GAREM1: variants seen among roughly 807,000 people sequenced by gnomAD.
The protein encoded by GAREM1 is GRB2-associated and regulator of MAPK protein 1.
Under a neutral mutation model 71.3 loss-of-function variants are expected in GAREM1, and 26 were observed. The ratio of observed to expected loss-of-function variants is 0.36; its 90% CI spans 0.27 to 0.51. The LOEUF is 0.51. Among genes scored for constraint, GAREM1 ranks in the 20% least tolerant of loss-of-function variants. The pLI is 0.95. For missense variants in GAREM1, 1,026 were observed against 1,103.1 expected (o/e 0.93, Z 0.99); for synonymous variants, 440 against 433.2 (o/e 1.02, Z -0.20).
chr18:32,416,478 C>T (rs796425984), intron 1 of GAREM1, among the ~76,000 whole-genome samples: 1 of 152,036 alleles, frequency 6.6e-6, no homozygotes, highest in Non-Finnish European at 1.5e-5. Context: ...ATTAATACTA[C>T]AGAGCTACAG....
intron 1 of GAREM1, among the ~76,000 whole-genome samples, chr18:32,419,822 T>C (rs1279783806): frequency 3.3e-5 from 5 of 152,194 alleles, no homozygotes; most frequent in Non-Finnish European, 2.9e-5. Flanking sequence ...ACAGAGTAGA[T>C]ACAGAATTAA....
intron 4 of GAREM1, among the ~76,000 whole-genome samples, chr18:32,273,422 G>A (rs930922959): frequency 1.3e-5 from 2 of 151,294 alleles, no homozygotes; most frequent in African/African-American, 2.5e-5. Context: ...AGGAACTCCC[G>A]AACTCCCCTC....
chr18:32,287,776 A>C lies in GAREM1; in HGVS notation c.821T>G (p.Val274Gly), dbSNP rs1421195893. The change falls in exon 4 of 6, where the codon GTG (valine) becomes GGG (glycine). Residue 274 changes from valine to glycine, a missense_variant. This residue lies in a region of GAREM1 where 218 missense variants were observed against 296.8 expected (regional missense o/e 0.73). Transcript: ENST00000269209. This position sits in a 1 kb window ranked among gnomAD's most constrained non-coding sequence, Gnocchi z 5.9. ...FIREGHRYKF[V>G]NIQTKTVVVC... Reference sequence around the variant, plus strand: ...CACCACCGTCTTGGTCTGGATGTTCACAAACTTATAGCGGTGCCCCTCACG... The same window carrying C: ...CACCACCGTCTTGGTCTGGATGTTCCCAAACTTATAGCGGTGCCCCTCACG... 3.1e-6 allele frequency: 5 copies of C among 1,613,288 alleles called. No individual in the cohort carries two copies. The highest frequency in any genetic ancestry group is 2.2e-5 in the East Asian group (1 of 44,790).
At chr18:32,401,906 T>C (rs907464252) in intron 1 of GAREM1, among the ~76,000 whole-genome samples, 16 of 152,182 alleles carry the variant, frequency 1.1e-4, no homozygotes, top group African/African-American at 3.6e-4. Flanking sequence ...TAGTAAACAC[T>C]CCAGCAAGAG....
chr18:32,322,369 T>G (rs1489091624), intron 2 of GAREM1, among the ~76,000 whole-genome samples: 1 of 152,208 alleles, frequency 6.6e-6, no homozygotes, highest in Admixed American at 6.5e-5. Context: ...AAAATCCATC[T>G]AGATCCATCC....
chr18:32,331,045 T>C (rs921208693), intron 2 of GAREM1, among the ~76,000 whole-genome samples: 2 of 152,246 alleles, frequency 1.3e-5, no homozygotes, highest in Non-Finnish European at 1.5e-5. Flanking sequence ...AGTCTGTTCC[T>C]CCTTCTCTCT....
intron 2 of GAREM1, among the ~76,000 whole-genome samples, chr18:32,366,780 C>T (rs1169802959): frequency 6.6e-6 from 1 of 152,116 alleles, no homozygotes. Context: ...GTCTACATAC[C>T]AAAACTGGGT....
chr18:32,413,258 C>A (rs970539144), intron 1 of GAREM1: 34 of 1,543,248 alleles, frequency 2.2e-5, no homozygotes, highest in Non-Finnish European at 3.0e-5. Context: ...ATTTCAACTA[C>A]ATATTTGACA....
chr18:32,330,144 GGTACATATA>G, intron 2 of GAREM1, among the ~76,000 whole-genome samples: 1 of 152,004 alleles, frequency 6.6e-6, no homozygotes, highest in East Asian at 1.9e-4. Flanking sequence ...AAGAAAATGT[GGTACATATA>G]TACCACAGAA....
intron 3 of GAREM1, among the ~76,000 whole-genome samples, chr18:32,295,562 T>C (rs1378489065): frequency 1.3e-5 from 2 of 152,220 alleles, no homozygotes; most frequent in African/African-American, 4.8e-5. Context: ...TGATCATCAA[T>C]ATGTGTTTAG....
chr18:32,343,957 C>G (rs535797719), intron 2 of GAREM1, among the ~76,000 whole-genome samples: 1 of 152,128 alleles, frequency 6.6e-6, no homozygotes, highest in Non-Finnish European at 1.5e-5. Context: ...CTCTCTGACT[C>G]CCTCCTAGGC....
Position 32,348,641 on chromosome 18 carries a change from T to C in GAREM1, c.263-38318A>G, listed in dbSNP as rs371901899. On this transcript the variant is annotated intron_variant, in intron 2 of 5. Transcript: ENST00000269209. The stretch of plus-strand genomic sequence containing the variant: ...GAGGAGGCTGAGGCAGGAGAATCGT[T>C]TGAACCTGGGAGGCAGACGTTTCAG... Among the ~76,000 whole-genome samples, 9 of 152,186 alleles carry C rather than the reference T, an allele frequency of 5.9e-5. No individual in the cohort carries two copies. The East Asian group carries it at 1.6e-3, about 26-fold the overall frequency.
At chr18:32,330,650 A>G (rs1268785007) in intron 2 of GAREM1, among the ~76,000 whole-genome samples, 2 of 152,130 alleles carry the variant, frequency 1.3e-5, no homozygotes, top group African/African-American at 4.8e-5. Context: ...CACTTTTAGA[A>G]AAACAGAGCC....
chr18:32,456,608 C>G (rs140935019), intron 1 of GAREM1, among the ~76,000 whole-genome samples: 1 of 151,964 alleles, frequency 6.6e-6, no homozygotes, highest in Non-Finnish European at 1.5e-5. Flanking sequence ...CATTTTTTCC[C>G]TAAGATTATT....
chr18:32,309,242 T>C (rs965164212), intron 3 of GAREM1, among the ~76,000 whole-genome samples: 4 of 149,754 alleles, frequency 2.7e-5, no homozygotes, highest in Non-Finnish European at 5.9e-5. Flanking sequence ...CTTGCTTCTC[T>C]GGTCAGTCCC....
At chr18:32,425,700 C>G (rs1372743129) in intron 1 of GAREM1, among the ~76,000 whole-genome samples, 7 of 152,186 alleles carry the variant, frequency 4.6e-5, no homozygotes, top group Non-Finnish European at 1.0e-4. Flanking sequence ...CACAGCCAAA[C>G]AAAGATATGT....
At position 32,411,970 on chromosome 18, in the gene GAREM1, G is replaced by A. The variant is rs3980743; in HGVS notation, c.122-18935C>T. On this transcript the variant is annotated intron_variant, in intron 1 of 5. Transcript: ENST00000269209. The stretch of plus-strand genomic sequence containing the variant: ...AAAAAAAAAAAATCTACATTAAAAC[G>A]CTTTGTTGGAATGCTTTACACTTTC... Among the ~76,000 whole-genome samples the A allele has an allele frequency of 2.3e-3, 351 of 151,604 alleles. 2 individuals are homozygous for A. Among genetic ancestry groups the A allele is most frequent in the African/African-American group, 8.2e-3 (338 of 41,318 alleles).
intron 2 of GAREM1, among the ~76,000 whole-genome samples, chr18:32,389,833 T>A (rs1178650627): frequency 1.3e-5 from 2 of 152,032 alleles, no homozygotes; most frequent in Non-Finnish European, 2.9e-5. Context: ...CTTGAAATGA[T>A]CAATCATATC....
intron 2 of GAREM1, among the ~76,000 whole-genome samples, chr18:32,348,450 G>A (rs1315425706): frequency 1.3e-5 from 2 of 152,160 alleles, no homozygotes; most frequent in African/African-American, 4.8e-5. Context: ...AAGGCTGGGC[G>A]TGGTGGCTCA....
Sources: allele counts gnomAD v4.1 joint callset (sites outside exome capture counted in the v4.1 genomes callset), GRCh38; gene constraint gnomAD v4.1.1; regional missense constraint gnomAD v4.1.1; non-coding constraint Gnocchi (gnomAD v3.1); transcripts MANE v1.5; gene names NCBI Gene and HGNC (gene_info 2026-07-23, HGNC 2026-07-21).